Variants in SEC63 observed in about 807,000 individuals in gnomAD.
The protein encoded by SEC63 is SEC63 protein translocation regulator.
A neutral mutation model predicts 116.2 loss-of-function variants in SEC63; 56 were observed. The observed-to-expected ratio is 0.48, with a 90% confidence interval of 0.39 to 0.60. SEC63 has a LOEUF of 0.60. Among genes scored for constraint, SEC63 ranks in the 20% least tolerant of loss-of-function variants. The pLI is 0.00. For missense variants in SEC63, 668 were observed against 900.0 expected (o/e 0.74, Z 3.30); for synonymous variants, 273 against 294.6 (o/e 0.93, Z 0.75).
chr6:107,900,054 C>T (rs1410810448), intron 13 of SEC63, among the ~76,000 whole-genome samples: 2 of 152,174 alleles, frequency 1.3e-5, no homozygotes, highest in African/African-American at 4.8e-5. Flanking sequence ...CCACTGCTTC[C>T]CTAGCACCTA....
chr6:107,884,387 C>T (rs1225329086), intron 16 of SEC63, among the ~76,000 whole-genome samples: 20 of 151,454 alleles, frequency 1.3e-4, no homozygotes, highest in Non-Finnish European at 5.9e-5. Context: ...ATAAAAATTA[C>T]CAATATTAGG....
intron 19 of SEC63, among the ~76,000 whole-genome samples, chr6:107,874,175 A>G (rs1786197363): frequency 6.6e-6 from 1 of 152,214 alleles, no homozygotes; most frequent in Admixed American, 6.5e-5. Flanking sequence ...TCACCAACAT[A>G]GTTTGCTTGC....
At chr6:107,884,023 G>A (rs1256582889) in intron 16 of SEC63, among the ~76,000 whole-genome samples, 1 of 152,062 alleles carries the variant, frequency 6.6e-6, no homozygotes, top group Non-Finnish European at 1.5e-5. Flanking sequence ...GCCGAGGCAG[G>A]TGGATAATTT....
intron 12 of SEC63, among the ~76,000 whole-genome samples, chr6:107,902,115 G>C (rs1787018412): frequency 6.6e-6 from 1 of 152,052 alleles, no homozygotes; most frequent in Non-Finnish European, 1.5e-5. Context: ...ACACAGATTA[G>C]ATCATGAGGC....
intron 10 of SEC63, among the ~76,000 whole-genome samples, chr6:107,906,037 A>G (rs1051477800): frequency 3.3e-5 from 5 of 152,132 alleles, no homozygotes; most frequent in Non-Finnish European, 1.5e-5. Context: ...GTAATCCCCA[A>G]TGCTGGAGGT....
chr6:107,895,801 T>A (rs1362702424), intron 14 of SEC63, among the ~76,000 whole-genome samples: 1 of 145,506 alleles, frequency 6.9e-6, no homozygotes, highest in Non-Finnish European at 1.5e-5. Context: ...GGCAGGAAGA[T>A]CCTTTGAACC....
At chr6:107,910,114 C>T (rs1787241487) in intron 7 of SEC63, among the ~76,000 whole-genome samples, 1 of 152,078 alleles carries the variant, frequency 6.6e-6, no homozygotes, top group African/African-American at 2.4e-5. Flanking sequence ...CCCAATGATT[C>T]CTAAATAAAT....
intron 2 of SEC63, among the ~76,000 whole-genome samples, chr6:107,927,065 C>CTT (rs1250554157): frequency 6.6e-6 from 1 of 152,002 alleles, no homozygotes; most frequent in Non-Finnish European, 1.5e-5. Flanking sequence ...CAAGTGTCAT[C>CTT]TTTTTTTCTG....
chr6:107,952,860 T>C (rs1193068783), intron 1 of SEC63, among the ~76,000 whole-genome samples: 1 of 152,250 alleles, frequency 6.6e-6, no homozygotes, highest in Non-Finnish European at 1.5e-5. Flanking sequence ...CTGAAAATAC[T>C]GTCAGAAGTC....
intron 10 of SEC63, 105 bp downstream of exon 10, chr6:107,906,343 T>C (rs1312969020): frequency 8.2e-6 from 10 of 1,224,210 alleles, no homozygotes; most frequent in Non-Finnish European, 1.2e-5. Flanking sequence ...GCCTCAGGTA[T>C]TTCTTTAGAG....
chr6:107,918,297 C>T (rs550894860), intron 4 of SEC63, among the ~76,000 whole-genome samples: 5 of 152,206 alleles, frequency 3.3e-5, no homozygotes, highest in Non-Finnish European at 4.4e-5. Context: ...TGACAACGCA[C>T]GTGGTCACTC....
At chr6:107,902,408 C>A (rs1356973456) in intron 12 of SEC63, among the ~76,000 whole-genome samples, 1 of 151,970 alleles carries the variant, frequency 6.6e-6, no homozygotes, top group Non-Finnish European at 1.5e-5. Context: ...TTTGTTATAT[C>A]TTAAGATTCA....
chr6:107,935,321 T>C (rs2114497946), intron 1 of SEC63, among the ~76,000 whole-genome samples: 1 of 151,628 alleles, frequency 6.6e-6, no homozygotes, highest in African/African-American at 2.4e-5. Context: ...CGGGCCGGGA[T>C]GACAATGGCG....
chr6:107,930,076 A>ACTAAAACCGGAGCAGGACATACG (rs994159826), intron 1 of SEC63: 1 of 155,002 alleles, frequency 6.5e-6, no homozygotes, highest in African/African-American at 2.4e-5. Flanking sequence ...CAGCACATAC[A>ACTAAAACCGGAGCAGGACATACG]CTAAAACCGG....
In SEC63 at chr6:107,921,956, A is replaced by G. The variant is rs763193341; in HGVS notation, c.340-47T>C. On this transcript the variant is annotated intron_variant, in intron 3 of 20. Coordinates refer to ENST00000369002, the MANE Select transcript of SEC63 (RefSeq NM_007214.5). ...AAACAAGCTTTCTGTTAGCAAAAAT[A>G]AGCACAATTCTGTAAAGAAATAATC... The G allele has an allele frequency of 3.7e-6, 4 of 1,078,072 alleles. No individual in the cohort carries two copies. The East Asian group carries it at 9.4e-5, about 25-fold the overall frequency. The allele number at this position is 1,078,072 out of a possible 1,614,324, so 66.8% of individuals were successfully genotyped here.
rs142239549 is a variant in SEC63 at position 107,911,160 on chromosome 6, T to C, written c.624+186A>G. ...AGGCTGGAGTGCAGAGGTGGGGTCA[T>C]GGCTCACCGCAACCTCAAACACCTA... On this transcript the variant is annotated intron_variant, in intron 7 of 20. Coordinates refer to ENST00000369002, the MANE Select transcript of SEC63 (RefSeq NM_007214.5). 1.4e-3 allele frequency: 847 copies of C among 606,714 alleles called. 3 individuals carry two copies. In the African/African-American group the frequency reaches 0.014, roughly 10 times the overall value. The allele number at this position is 606,714 out of a possible 1,614,324, so 37.6% of individuals were successfully genotyped here.
rs142758146 is a variant in SEC63 at position 107,872,098 on chromosome 6, A to G, written c.2140-251T>C. 3.4e-3 allele frequency among the ~76,000 whole-genome samples: 523 copies of G among 152,338 alleles called. 10 individuals carry two copies. The highest frequency in any genetic ancestry group is 0.012 in the African/African-American group (496 of 41,584). Reference sequence around the variant, plus strand: ...ATATTTTGATTCTGTATGTTATACTATTTATGAATGTATTTCTATGGCATA... The same window carrying G: ...ATATTTTGATTCTGTATGTTATACTGTTTATGAATGTATTTCTATGGCATA... On this transcript the variant is annotated intron_variant, in intron 20 of 20. Coordinates refer to ENST00000369002, the MANE Select transcript of SEC63 (RefSeq NM_007214.5).
At chr6:107,923,384 T>C (rs1787601054) in intron 3 of SEC63, among the ~76,000 whole-genome samples, 1 of 152,154 alleles carries the variant, frequency 6.6e-6, no homozygotes, top group African/African-American at 2.4e-5. Context: ...AAAGTACTGA[T>C]ATTATAGGCA....
intron 14 of SEC63, among the ~76,000 whole-genome samples, chr6:107,897,123 C>T (rs79230600): frequency 0.038 from 5,721 of 152,258 alleles, 160 homozygotes; most frequent in Middle Eastern, 0.095. Context: ...CATTAGGCTA[C>T]ATACAGGGAT....
Sources: allele counts gnomAD v4.1 joint callset (sites outside exome capture counted in the v4.1 genomes callset), GRCh38; gene constraint gnomAD v4.1.1; transcripts MANE v1.5; gene names NCBI Gene and HGNC (gene_info 2026-07-23, HGNC 2026-07-21).